SRRM3: variants seen among roughly 807,000 people sequenced by gnomAD.
SRRM3 encodes serine/arginine repetitive matrix 3.
In SRRM3, 27 loss-of-function variants were observed where a neutral mutation model predicts 66.2. That is an observed-to-expected ratio of 0.41 (90% CI 0.30 to 0.56). The LOEUF (loss-of-function observed/expected upper bound fraction) is 0.56. Among genes scored for constraint, SRRM3 ranks in the 20% least tolerant of loss-of-function variants. SRRM3 has a pLI of 0.32. For synonymous variants in SRRM3, 391 were observed against 414.9 expected, an observed-to-expected ratio of 0.94 and a Z score of 0.70; for missense variants, 918 against 991.9, an observed-to-expected ratio of 0.93 and a Z score of 1.00.
chr7:76,247,409 C>G (rs1801469507), intron 2 of SRRM3, among the ~76,000 whole-genome samples: 1 of 152,074 alleles, frequency 6.6e-6, no homozygotes, highest in Non-Finnish European at 1.5e-5. Context: ...TGACGACCTC[C>G]CATGGCTATA....
At chr7:76,208,772 T>C (rs1800360762) in intron 1 of SRRM3, among the ~76,000 whole-genome samples, 1 of 144,080 alleles carries the variant, frequency 6.9e-6, no homozygotes, top group Non-Finnish European at 1.5e-5. Flanking sequence ...GAGGTGGAAA[T>C]TGCAGTGAGC....
At chr7:76,278,648 C>T (rs1249003239) in intron 11 of SRRM3, among the ~76,000 whole-genome samples, 1 of 152,126 alleles carries the variant, frequency 6.6e-6, no homozygotes, top group Non-Finnish European at 1.5e-5. Context: ...CTGTGTCTGC[C>T]CCAAATGGAG....
At chr7:76,259,474 G>A (rs919060582) in intron 3 of SRRM3, among the ~76,000 whole-genome samples, 3 of 151,960 alleles carry the variant, frequency 2.0e-5, no homozygotes, top group African/African-American at 7.3e-5. Flanking sequence ...CTACTCAAGA[G>A]GCTGAGGAGG....
chr7:76,257,353 C>T (rs1554607880), intron 3 of SRRM3, among the ~76,000 whole-genome samples: 1 of 150,510 alleles, frequency 6.6e-6, no homozygotes, highest in Non-Finnish European at 1.5e-5. Context: ...GGGGAGGGCA[C>T]TGTCTGAGCC....
intron 3 of SRRM3, among the ~76,000 whole-genome samples, chr7:76,259,265 C>T (rs1554608191): frequency 6.6e-6 from 1 of 151,796 alleles, no homozygotes. Context: ...GAAGAGGAGC[C>T]TCATCTAAGG....
At chr7:76,260,937 G>A (rs374961691) in intron 6 of SRRM3, 34 bp downstream of exon 6, 168 of 1,551,216 alleles carry the variant, frequency 1.1e-4, no homozygotes, top group Middle Eastern at 3.3e-4. Context: ...GGGCCAGGGC[G>A]GGGGATGTCT....
At chr7:76,209,273 C>A (rs886980148) in intron 1 of SRRM3, among the ~76,000 whole-genome samples, 2 of 152,198 alleles carry the variant, frequency 1.3e-5, no homozygotes, top group African/African-American at 4.8e-5. Flanking sequence ...CCTTGAGGAG[C>A]TTCTGGACCA....
chr7:76,236,858 CT>C (rs1409708335), intron 2 of SRRM3, among the ~76,000 whole-genome samples: 1 of 152,034 alleles, frequency 6.6e-6, no homozygotes, highest in Non-Finnish European at 1.5e-5. Context: ...TGTTGATGAG[CT>C]GTGGGTACCG....
At chr7:76,271,500 T>G (rs1802212623) in intron 11 of SRRM3, among the ~76,000 whole-genome samples, 1 of 149,598 alleles carries the variant, frequency 6.7e-6, no homozygotes, top group African/African-American at 2.5e-5. Context: ...AAGAAAAAGC[T>G]GGGCATGGTG....
chr7:76,230,911 T>C (rs1278996564), intron 1 of SRRM3, among the ~76,000 whole-genome samples: 1 of 151,894 alleles, frequency 6.6e-6, no homozygotes, highest in East Asian at 1.9e-4. Context: ...CCATCATGCC[T>C]GGCTAATTTT....
Position 76,217,902 on chromosome 7 carries a change from A to G in SRRM3, c.-40+15835A>G, listed in dbSNP as rs189989803. Among the ~76,000 whole-genome samples the G allele has an allele frequency of 7.6e-4, 115 of 152,300 alleles. 2 individuals are homozygous for G. Among genetic ancestry groups the G allele is most frequent in the Admixed American group, 6.5e-3 (99 of 15,288 alleles). ...TAGGATGTTTCTCACGACCCGAACC[A>G]CTGTGAAGTGTTTCACTTTGACTAA... is the stretch of plus-strand genomic sequence containing the variant. On this transcript the variant is annotated intron_variant, in intron 1 of 14. Transcript: ENST00000611745.
chr7:76,260,764 G>A (rs1276352324), intron 5 of SRRM3, 110 bp from the exon 6 acceptor site: 2 of 1,086,082 alleles, frequency 1.8e-6, no homozygotes, highest in Non-Finnish European at 2.7e-6. Flanking sequence ...TGCCATCCCC[G>A]AATCTCTCTG....
Position 76,281,441 on chromosome 7 carries a change from A to C in SRRM3, c.1009A>C (p.Lys337Gln). Reference protein sequence around the residue: ...RPGSAHSPPDKPSSPSPRVRD... With the variant: ...RPGSAHSPPDQPSSPSPRVRD... ...CCCTGTCTGCCTCTCTCCCCGTCAG[A>C]AGCCCAGCTCGCCCTCGCCCAGGGT... The change falls in exon 12 of 15, where the codon AAG becomes CAG. Residue 337 changes from lysine (K) to glutamine (Q), a missense_variant and splice_region_variant. Coordinates refer to ENST00000611745, the MANE Select transcript of SRRM3 (RefSeq NM_001110199.3). The C allele has an allele frequency of 2.4e-6, 3 of 1,235,752 alleles. No homozygotes were observed. The highest frequency in any genetic ancestry group is 3.0e-6 in the Non-Finnish European group (3 of 983,778). 76.5% of individuals were successfully genotyped at this position (1,235,752 alleles called of 1,614,324 possible).
chr7:76,237,832 T>C (rs1801186888), intron 2 of SRRM3, among the ~76,000 whole-genome samples: 1 of 151,224 alleles, frequency 6.6e-6, no homozygotes. Context: ...GCCCTCCCCC[T>C]CAAAGACCTT....
chr7:76,281,812 C>T lies in SRRM3; in HGVS notation c.1370+10C>T. The T allele has an allele frequency of 7.4e-7, 1 of 1,355,642 alleles. No individual in the cohort carries two copies. The highest frequency in any genetic ancestry group is 1.5e-5 in the African/African-American group (1 of 64,760). 84.0% of individuals were successfully genotyped at this position (1,355,642 alleles called of 1,614,324 possible). A position where few individuals can be genotyped will look rare whatever the true frequency, so the allele number is the denominator to read the frequency against. Reference sequence around the variant, plus strand: ...GCGGACACGGGAAACGGTGAGCGTGCTGGACCCGGAGCTGGACTCCCGCCC... The same window carrying T: ...GCGGACACGGGAAACGGTGAGCGTGTTGGACCCGGAGCTGGACTCCCGCCC... On this transcript the variant is annotated intron_variant, in intron 12 of 14. Transcript: ENST00000611745.
In SRRM3 at chr7:76,281,809, G is replaced by A. The variant is rs1169721727; in HGVS notation, c.1370+7G>A. ...ACGGCGGACACGGGAAACGGTGAGC[G>A]TGCTGGACCCGGAGCTGGACTCCCG... On this transcript the variant is annotated splice_region_variant and intron_variant, in intron 12 of 14. Transcript: ENST00000611745. 9.6e-5 allele frequency: 130 copies of A among 1,359,910 alleles called. 1 individual carries two copies. The highest frequency in any genetic ancestry group is 1.2e-4 in the Non-Finnish European group (129 of 1,056,132). 84.2% of individuals were successfully genotyped at this position (1,359,910 alleles called of 1,614,324 possible).
Position 76,283,053 on chromosome 7 carries a change from A to T in SRRM3, c.1685A>T (p.Lys562Met). Residue 562 changes from lysine to methionine, a missense_variant, in exon 14 of 15, where the codon AAG (lysine) becomes ATG (methionine). Physicochemically the swap from Lys to Met is moderately conservative, Grantham distance 95. Transcript: ENST00000611745. ...RRSRSYSPIRKRRRDSPSFME... is the reference protein window; with the variant it reads ...RRSRSYSPIRMRRRDSPSFME... Reference sequence around the variant, plus strand: ...TCCCGCAGCTACTCGCCCATCCGCAAGCGGCGCCGGGACTCGCCAAGCTTC... The same window carrying T: ...TCCCGCAGCTACTCGCCCATCCGCATGCGGCGCCGGGACTCGCCAAGCTTC... 1 of 1,493,068 alleles carries T rather than the reference A, an allele frequency of 6.7e-7. No individual in the cohort carries two copies. Among genetic ancestry groups the T allele is most frequent in the South Asian group, 1.3e-5 (1 of 77,920 alleles). The allele number at this position is 1,493,068 out of a possible 1,614,324, so 92.5% of individuals were successfully genotyped here.
At chr7:76,222,053 C>T (rs1039060636) in intron 1 of SRRM3, among the ~76,000 whole-genome samples, 3 of 152,172 alleles carry the variant, frequency 2.0e-5, no homozygotes, top group Non-Finnish European at 4.4e-5. Context: ...ACTGGCTGAT[C>T]GGCACGGGTC....
intron 3 of SRRM3, among the ~76,000 whole-genome samples, chr7:76,259,171 TA>T (rs1801793048): frequency 7.3e-6 from 1 of 137,584 alleles, no homozygotes; most frequent in African/African-American, 2.8e-5. Context: ...ACAGTAGGGT[TA>T]GGGGCACAGG....
Sources: gnomAD v4.1 joint callset for allele counts (sites outside exome capture counted in the v4.1 genomes callset) on GRCh38, gnomAD v4.1.1 for gene constraint, MANE v1.5 for transcripts, NCBI Gene and HGNC (gene_info 2026-07-23, HGNC 2026-07-21) for gene names.